SCAPER: variants seen among roughly 807,000 people sequenced by gnomAD.
SCAPER encodes the protein S phase cyclin A-associated protein in the endoplasmic reticulum.
Under a neutral mutation model 182.2 loss-of-function variants are expected in SCAPER, and 98 were observed. That is an observed-to-expected ratio of 0.54 (90% confidence interval 0.46 to 0.64). The LOEUF is 0.64. Ranked by LOEUF, SCAPER falls within the 30% of genes least tolerant of loss-of-function variation. The pLI is 0.00. For missense variants in SCAPER, 1,432 were observed against 1,690.0 expected (o/e 0.85, Z 2.68); for synonymous variants, 605 against 564.6 (o/e 1.07, Z -1.01).
chr15:76,784,342 C>G (rs1410261850), intron 8 of SCAPER, among the ~76,000 whole-genome samples: 1 of 152,150 alleles, frequency 6.6e-6, no homozygotes, highest in Non-Finnish European at 1.5e-5. Flanking sequence ...CGTGAAGGAT[C>G]TCTTCAAGGA....
At chr15:76,741,958 CTG>C (rs1202513666) in intron 15 of SCAPER, among the ~76,000 whole-genome samples, 2 of 151,970 alleles carry the variant, frequency 1.3e-5, no homozygotes, top group Non-Finnish European at 2.9e-5. Flanking sequence ...ATGGTAGTGA[CTG>C]TGATACTAAA....
At chr15:76,439,489 T>C (rs985653832) in intron 25 of SCAPER, among the ~76,000 whole-genome samples, 7 of 152,256 alleles carry the variant, frequency 4.6e-5, no homozygotes, top group African/African-American at 1.7e-4. Context: ...AGAGGTAAAA[T>C]AGCTCACTTG....
intron 1 of SCAPER, among the ~76,000 whole-genome samples, chr15:76,893,916 G>A (rs2074289324): frequency 6.6e-6 from 1 of 152,136 alleles, no homozygotes; most frequent in African/African-American, 2.4e-5. Flanking sequence ...TACAATAAAA[G>A]CAGTTCTAAG....
intron 27 of SCAPER, among the ~76,000 whole-genome samples, chr15:76,393,645 G>A (rs1438722767): frequency 6.6e-6 from 1 of 152,196 alleles, no homozygotes; most frequent in Non-Finnish European, 1.5e-5. Context: ...CCCAGGAAGA[G>A]GCAAAGTCTA....
At position 76,566,307 on chromosome 15, in the gene SCAPER, T is replaced by C. The variant is rs112805314; in HGVS notation, c.2838+7851A>G. ...GCATGGTTTGCTATAGGTATTATAATGTAAATTGTGATTTCACATATCTCA... is the reference window on the plus strand; with the variant it reads ...GCATGGTTTGCTATAGGTATTATAACGTAAATTGTGATTTCACATATCTCA... On this transcript the variant is annotated intron_variant, in intron 23 of 31. Transcript: ENST00000563290. Among the ~76,000 whole-genome samples the C allele has an allele frequency of 1.6e-4, 25 of 152,314 alleles. No individual in the cohort carries two copies. In the South Asian group the frequency reaches 4.1e-3, roughly 25 times the overall value.
At chr15:76,687,966 T>C (rs925267645) in intron 20 of SCAPER, among the ~76,000 whole-genome samples, 1 of 152,224 alleles carries the variant, frequency 6.6e-6, no homozygotes, top group Non-Finnish European at 1.5e-5. Flanking sequence ...AGTAATGGGA[T>C]GGTTGGGTCA....
chr15:76,819,879 C>T (rs1486623295), intron 5 of SCAPER, among the ~76,000 whole-genome samples: 2 of 152,102 alleles, frequency 1.3e-5, no homozygotes, highest in African/African-American at 2.4e-5. Flanking sequence ...CTACAATGAA[C>T]CCAAACAAAT....
At chr15:76,840,141 G>C (rs1176721130) in intron 5 of SCAPER, among the ~76,000 whole-genome samples, 2 of 152,110 alleles carry the variant, frequency 1.3e-5, no homozygotes, top group Non-Finnish European at 2.9e-5. Flanking sequence ...AAAGTGGCTG[G>C]GCATGGTGGC....
intron 23 of SCAPER, among the ~76,000 whole-genome samples, chr15:76,533,635 ATGATC>A (rs1481513099): frequency 2.1e-5 from 3 of 145,108 alleles, no homozygotes; most frequent in African/African-American, 8.4e-5. Context: ...GTACATATGT[ATGATC>A]TATGGACATA....
At chr15:76,415,964 A>G (rs548966833) in intron 26 of SCAPER, among the ~76,000 whole-genome samples, 1 of 152,344 alleles carries the variant, frequency 6.6e-6, no homozygotes, top group Non-Finnish European at 1.5e-5. Flanking sequence ...AATAATAGAA[A>G]ATTTAAATAT....
In SCAPER at chr15:76,414,116, T is replaced by A. The variant is rs539343343; in HGVS notation, c.3312-9437A>T. 3.9e-5 allele frequency among the ~76,000 whole-genome samples: 6 copies of A among 152,286 alleles called. No individual in the cohort carries two copies. The South Asian group carries it at 1.2e-3, about 32-fold the overall frequency. Reference sequence around the variant, plus strand: ...GTTCACGAGGAATGTTGATCTGTAATTTTATTTTTTGGAATATCCTTGTCA... The same window carrying A: ...GTTCACGAGGAATGTTGATCTGTAAATTTATTTTTTGGAATATCCTTGTCA... On this transcript the variant is annotated intron_variant, in intron 26 of 31. Coordinates refer to ENST00000563290, the MANE Select transcript of SCAPER (RefSeq NM_020843.4).
At chr15:76,476,024 T>C (rs1467927712) in intron 24 of SCAPER, among the ~76,000 whole-genome samples, 1 of 152,156 alleles carries the variant, frequency 6.6e-6, no homozygotes, top group Non-Finnish European at 1.5e-5. Context: ...TGGAAAGCCT[T>C]TTATTCTCCC....
At chr15:76,474,160 T>C (rs1200369251) in intron 24 of SCAPER, among the ~76,000 whole-genome samples, 1 of 152,164 alleles carries the variant, frequency 6.6e-6, no homozygotes, top group East Asian at 1.9e-4. Context: ...CCCTTGGTGG[T>C]ACTAGTTGGG....
At chr15:76,711,965 G>T (rs554272154) in intron 17 of SCAPER, among the ~76,000 whole-genome samples, 1 of 152,116 alleles carries the variant, frequency 6.6e-6, no homozygotes, top group South Asian at 2.1e-4. Flanking sequence ...GTCAATTTTG[G>T]CTTTTGTTGC....
intron 29 of SCAPER, among the ~76,000 whole-genome samples, chr15:76,361,972 A>C (rs991170836): frequency 6.6e-6 from 1 of 151,834 alleles, no homozygotes; most frequent in Non-Finnish European, 1.5e-5. Context: ...GTTAATGTTA[A>C]ACACATTTTT....
At chr15:76,762,367 C>CTTT (rs58117069) in intron 14 of SCAPER, among the ~76,000 whole-genome samples, 1 of 131,698 alleles carries the variant, frequency 7.6e-6, no homozygotes, top group Non-Finnish European at 1.6e-5. Flanking sequence ...TGATTGTGGG[C>CTTT]TTTTTTTTTT....
chr15:76,731,014 A>C (rs1043358843), intron 16 of SCAPER, among the ~76,000 whole-genome samples: 2 of 152,192 alleles, frequency 1.3e-5, no homozygotes, highest in African/African-American at 4.8e-5. Flanking sequence ...AGTAAAATTC[A>C]GCTACCATTT....
intron 4 of SCAPER, among the ~76,000 whole-genome samples, chr15:76,843,721 C>G (rs1335790278): frequency 1.3e-5 from 2 of 151,992 alleles, no homozygotes; most frequent in African/African-American, 4.8e-5. Flanking sequence ...ACTCAGGAGA[C>G]TGAGGCAGGA....
intron 4 of SCAPER, among the ~76,000 whole-genome samples, chr15:76,856,265 T>G (rs781743458): frequency 7.9e-5 from 12 of 151,844 alleles, no homozygotes; most frequent in Non-Finnish European, 1.2e-4. Flanking sequence ...GGGGCCTCCT[T>G]GAGGGTGGGA....
Sources: gnomAD v4.1 joint callset for allele counts (sites outside exome capture counted in the v4.1 genomes callset) on GRCh38, gnomAD v4.1.1 for gene constraint, MANE v1.5 for transcripts, NCBI Gene and HGNC (gene_info 2026-07-23, HGNC 2026-07-21) for gene names.